Variants in GABRA3 observed in about 807,000 individuals in gnomAD.
The protein encoded by GABRA3 is gamma-aminobutyric acid receptor subunit alpha-3.
A neutral mutation model predicts 30.1 loss-of-function variants in GABRA3; 10 were observed. The observed-to-expected ratio is 0.33, with a 90% CI of 0.20 to 0.56. The LOEUF is 0.56. Among genes scored for constraint, GABRA3 ranks in the 20% least tolerant of loss-of-function variants. The pLI, the probability that GABRA3 is intolerant of heterozygous loss-of-function variation, is 0.89. For synonymous variants in GABRA3, 151 were observed against 146.8 expected, an observed-to-expected ratio of 1.03 and a Z score of -0.21; for missense variants, 233 against 392.0, an observed-to-expected ratio of 0.59 and a Z score of 3.42.
chrX:152,205,578 A>T (rs1937529664), intron 7 of GABRA3, among the ~76,000 whole-genome samples: 1 of 111,877 alleles, frequency 8.9e-6, no homozygotes, highest in South Asian at 3.8e-4. Flanking sequence ...GACAACAGGG[A>T]TTATCATCAT....
intron 6 of GABRA3, among the ~76,000 whole-genome samples, chrX:152,210,716 A>T (rs1047604761): frequency 1.8e-5 from 2 of 112,337 alleles, no homozygotes; most frequent in African/African-American, 6.5e-5. Flanking sequence ...AACAAGTCAC[A>T]CCTGAAGCTC....
At chrX:152,338,156 C>T (rs186681286) in intron 3 of GABRA3, among the ~76,000 whole-genome samples, 2 of 111,902 alleles carry the variant, frequency 1.8e-5, no homozygotes, top group Admixed American at 1.9e-4. Flanking sequence ...TCAACAGTGC[C>T]CAAGGGCTCT....
chrX:152,195,657 C>A (rs1241632838), intron 8 of GABRA3, among the ~76,000 whole-genome samples: 1 of 111,645 alleles, frequency 9.0e-6, no homozygotes, highest in African/African-American at 3.3e-5. Flanking sequence ...ATGTTCAAAT[C>A]TTTCCTCCTT....
At chrX:152,383,661 G>C (rs1929213508) in intron 1 of GABRA3, among the ~76,000 whole-genome samples, 2 of 103,052 alleles carry the variant, frequency 1.9e-5, no homozygotes, top group African/African-American at 7.1e-5. Flanking sequence ...TTTAGAAAAA[G>C]AATGTGACAA....
At chrX:152,436,937 A>AG in intron 1 of GABRA3, among the ~76,000 whole-genome samples, 1 of 111,691 alleles carries the variant, frequency 9.0e-6, no homozygotes, top group Middle Eastern at 4.7e-3. Context: ...CATATCTTCT[A>AG]AAGAATTTGT....
chrX:152,358,840 T>C (rs1306916657), intron 2 of GABRA3, among the ~76,000 whole-genome samples: 2 of 112,086 alleles, frequency 1.8e-5, no homozygotes, highest in Non-Finnish European at 3.8e-5. Context: ...TTGTTTTTAG[T>C]TCTACTTATG....
intron 1 of GABRA3, among the ~76,000 whole-genome samples, chrX:152,422,919 T>C (rs146546529): frequency 0.023 from 2,526 of 111,592 alleles, 34 homozygotes; most frequent in South Asian, 0.061. Context: ...TTAATAAATA[T>C]GTCTATTTAG....
intron 7 of GABRA3, among the ~76,000 whole-genome samples, chrX:152,206,238 C>T (rs771838705): frequency 8.1e-4 from 91 of 112,854 alleles, no homozygotes; most frequent in African/African-American, 2.8e-3. Flanking sequence ...GTGCAGTGCA[C>T]CACTTTGGGC....
chrX:152,346,438 T>A (rs1603245637), intron 2 of GABRA3, among the ~76,000 whole-genome samples: 1 of 111,479 alleles, frequency 9.0e-6, no homozygotes, highest in African/African-American at 3.3e-5. Flanking sequence ...GGGCAAAAAT[T>A]TCTTGAGCAA....
At chrX:152,296,172 G>A (rs1939524632) in intron 3 of GABRA3, among the ~76,000 whole-genome samples, 2 of 111,658 alleles carry the variant, frequency 1.8e-5, no homozygotes, top group Non-Finnish European at 3.8e-5. Context: ...GTGAATAAGT[G>A]CTCATTATTG....
intron 1 of GABRA3, among the ~76,000 whole-genome samples, chrX:152,379,810 A>G (rs933545207): frequency 9.0e-6 from 1 of 111,060 alleles, no homozygotes; most frequent in African/African-American, 3.3e-5. Context: ...TTAATTGACA[A>G]ATCATTGTTG....
At chrX:152,357,382 G>A (rs772647581) in intron 2 of GABRA3, among the ~76,000 whole-genome samples, 19 of 111,813 alleles carry the variant, frequency 1.7e-4, no homozygotes, top group Non-Finnish European at 3.0e-4. Flanking sequence ...GATCAGTGAT[G>A]TTCAGCATTT....
chrX:152,289,968 C>T (rs1470920018), intron 3 of GABRA3, among the ~76,000 whole-genome samples: 1 of 111,934 alleles, frequency 8.9e-6, no homozygotes, highest in Admixed American at 9.5e-5. Context: ...AATAGTGCCA[C>T]AATAAACATA....
chrX:152,324,075 CA>C (rs1940013933), intron 3 of GABRA3, among the ~76,000 whole-genome samples: 1 of 112,185 alleles, frequency 8.9e-6, no homozygotes. Context: ...TTTAATCCAT[CA>C]ACATCCCTGT....
chrX:152,278,125 T>A (rs930184695), intron 4 of GABRA3, among the ~76,000 whole-genome samples: 5 of 112,026 alleles, frequency 4.5e-5, no homozygotes, highest in African/African-American at 1.3e-4. Flanking sequence ...GTCTTTTTTT[T>A]AAATTAAAGT....
At chrX:152,239,204 C>T (rs1477290314) in intron 5 of GABRA3, among the ~76,000 whole-genome samples, 5 of 98,720 alleles carry the variant, frequency 5.1e-5, no homozygotes, top group East Asian at 3.3e-4. Context: ...TCTTTGTTCT[C>T]GTTGGTTTCA....
At chrX:152,400,927 G>A in intron 1 of GABRA3, among the ~76,000 whole-genome samples, 1 of 111,512 alleles carries the variant, frequency 9.0e-6, no homozygotes, top group Non-Finnish European at 1.9e-5. Context: ...AGCCAGCAAG[G>A]AAACAAGGAC....
At chrX:152,433,235 A>G (rs777326246) in intron 1 of GABRA3, among the ~76,000 whole-genome samples, 3 of 110,688 alleles carry the variant, frequency 2.7e-5, no homozygotes, top group Non-Finnish European at 5.7e-5. Flanking sequence ...CAGAAACAAG[A>G]CAAAGACTGC....
At chrX:152,191,511 G>C (rs935534292) in intron 8 of GABRA3, among the ~76,000 whole-genome samples, 1 of 109,183 alleles carries the variant, frequency 9.2e-6, no homozygotes, top group African/African-American at 3.3e-5. Context: ...CTTTCTTAGC[G>C]TTGGCATGCT....
Sources: gnomAD v4.1 joint callset for allele counts (sites outside exome capture counted in the v4.1 genomes callset) on GRCh38, gnomAD v4.1.1 for gene constraint, MANE v1.5 for transcripts, NCBI Gene and HGNC (gene_info 2026-07-23, HGNC 2026-07-21) for gene names.